The following SCN1A variants were observed in gnomAD, a reference collection of about 807,000 sequenced individuals.
SCN1A encodes the protein sodium channel protein type 1 subunit alpha.
A neutral mutation model predicts 193.7 loss-of-function variants in SCN1A; 13 were observed. That is an observed-to-expected ratio of 0.07 (90% CI 0.04 to 0.11). The LOEUF is 0.11. Ranked by LOEUF, SCN1A falls within the 10% of genes least tolerant of loss-of-function variation. The pLI, the probability that SCN1A is intolerant of heterozygous loss-of-function variation, is 1.00. For missense variants in SCN1A, 1,432 were observed against 2,451.1 expected (o/e 0.58, Z 8.78); for synonymous variants, 781 against 843.6 (o/e 0.93, Z 1.29).
At chr2:166,058,780 G>T in intron 4 of SCN1A, 92 bp from the exon 5 acceptor site, 1 of 796,642 alleles carries the variant, frequency 1.3e-6, no homozygotes, top group Non-Finnish European at 2.2e-6. Context: ...ATAAATTATT[G>T]TAAAGTTAAA....
At chr2:165,999,991 C>A in intron 24 of SCN1A, 1 of 573,966 alleles carries the variant, frequency 1.7e-6, no homozygotes, top group Admixed American at 2.8e-5. Flanking sequence ...GATATATCCT[C>A]CCCTTGATAA....
chr2:166,003,535 T>C (rs1691233369), intron 23 of SCN1A, among the ~76,000 whole-genome samples: 1 of 151,550 alleles, frequency 6.6e-6, no homozygotes, highest in African/African-American at 2.4e-5. Context: ...TTTTTTTTTT[T>C]TCTATAGAAG....
chr2:166,108,011 A>G (rs1688878387), intron 2 of SCN1A, among the ~76,000 whole-genome samples: 1 of 152,040 alleles, frequency 6.6e-6, no homozygotes. Context: ...AAGACAACCC[A>G]CAGATTGAAA....
intron 1 of SCN1A, among the ~76,000 whole-genome samples, chr2:166,144,740 C>A (rs59543626): frequency 0.34 from 51,641 of 151,716 alleles, 8,998 homozygotes; most frequent in South Asian, 0.42. Flanking sequence ...GATAGTGGAA[C>A]GAGAAGTGAA....
upstream of SCN1A, chr2:166,128,031 A>C: frequency 7.1e-6 from 1 of 140,584 alleles, no homozygotes; most frequent in Admixed American, 7.7e-5. Flanking sequence ...ACCTAATACA[A>C]ATCAGCAAAT....
At chr2:166,117,312 T>C (rs1437443562) in intron 2 of SCN1A, among the ~76,000 whole-genome samples, 2 of 152,252 alleles carry the variant, frequency 1.3e-5, no homozygotes, top group Non-Finnish European at 2.9e-5. Flanking sequence ...ATGTTAATCA[T>C]GTATACTTTC....
chr2:166,007,055 G>T (rs1203412530), intron 23 of SCN1A, among the ~76,000 whole-genome samples: 3 of 140,914 alleles, frequency 2.1e-5, no homozygotes, highest in Non-Finnish European at 4.7e-5. Context: ...ATTCATAAAG[G>T]TTTTTTTTTT....
At chr2:166,069,233 AT>A (rs1282485964) in intron 4 of SCN1A, among the ~76,000 whole-genome samples, 3 of 152,158 alleles carry the variant, frequency 2.0e-5, no homozygotes, top group Non-Finnish European at 4.4e-5. Context: ...TTATGATAGC[AT>A]TTTTTTCCCC....
At chr2:166,144,171 T>C (rs1407928398) in intron 1 of SCN1A, among the ~76,000 whole-genome samples, 5 of 152,202 alleles carry the variant, frequency 3.3e-5, no homozygotes, top group Admixed American at 3.3e-4. Context: ...AAGTCCAAAA[T>C]GTAAAGGAAC....
rs1191865516 is a variant in SCN1A, at chr2:166,084,484, G to A, written c.-141-6683C>T. The stretch of plus-strand genomic sequence containing the variant: ...GCCAGGAGTTATGTAGCTATAAGTA[G>A]CAGCCAGAGGAAATAGTGCCTGAGT... On this transcript the variant is annotated intron_variant, in intron 2 of 28. Transcript: ENST00000674923. 2.6e-5 allele frequency among the ~76,000 whole-genome samples: 4 copies of A among 152,066 alleles called. No individual in the cohort carries two copies. The East Asian group carries it at 7.7e-4, about 29-fold the overall frequency.
intron 19 of SCN1A, chr2:166,016,544 GA>G (rs1264717238): frequency 4.6e-5 from 7 of 151,970 alleles, no homozygotes; most frequent in African/African-American, 1.7e-4. Context: ...AGAGTTCTCA[GA>G]AGACAAAGAT....
At chr2:166,051,288 TATAA>T (rs1332838448) in intron 9 of SCN1A, among the ~76,000 whole-genome samples, 1 of 151,988 alleles carries the variant, frequency 6.6e-6, no homozygotes, top group Non-Finnish European at 1.5e-5. Context: ...GTTCCAGAAA[TATAA>T]ATAATCTATT....
intron 19 of SCN1A, among the ~76,000 whole-genome samples, chr2:166,019,539 T>G (rs963490680): frequency 1.3e-5 from 2 of 152,358 alleles, no homozygotes; most frequent in East Asian, 1.9e-4. Flanking sequence ...TGTTTACTTT[T>G]ACTTATTTCA....
chr2:166,047,777 G>T lies in SCN1A; in HGVS notation c.1029-9C>A. 6.2e-7 allele frequency: 1 copy of T among 1,613,248 alleles called. No individual in the cohort carries two copies. ...ATCCCTCTGGACATTGGCTGCAAGT[G>T]GGGTAAAAGAAAGTATTACAAGTCG... On this transcript the variant is annotated splice_polypyrimidine_tract_variant and intron_variant, in intron 10 of 28. Transcript: ENST00000674923.
rs566961808 is a variant in SCN1A, at chr2:166,054,819, A to G, written c.474-53T>C. On this transcript the variant is annotated intron_variant, in intron 6 of 28. Coordinates refer to ENST00000674923, the MANE Select transcript of SCN1A (RefSeq NM_001165963.4). ...TAAAGTAACAGTGTTTTTTCATAGC[A>G]TACCAATTTCTTATCACTCCATCAG... is the stretch of plus-strand genomic sequence containing the variant. 1.2e-5 allele frequency: 19 copies of G among 1,550,402 alleles called. No individual in the cohort carries two copies. The South Asian group carries it at 1.8e-4, about 15-fold the overall frequency.
At chr2:166,060,622 C>G (rs562199775) in intron 4 of SCN1A, 1 of 152,018 alleles carries the variant, frequency 6.6e-6, no homozygotes, top group South Asian at 2.1e-4. Flanking sequence ...CTTTGGGAGG[C>G]CAAAGTGGGC....
chr2:165,993,109 T>C (rs1427338222), intron 28 of SCN1A: 2 of 151,710 alleles, frequency 1.3e-5, no homozygotes, highest in African/African-American at 4.8e-5. Context: ...CTTGTAAAGT[T>C]AAAAAGAAGA....
At chr2:166,089,113 C>T (rs542866019) in intron 2 of SCN1A, among the ~76,000 whole-genome samples, 2 of 152,242 alleles carry the variant, frequency 1.3e-5, no homozygotes, top group East Asian at 3.9e-4. Flanking sequence ...TGGTTTGCTG[C>T]ACCCATCAAC....
At chr2:166,127,702 A>C (rs1691409715) in intron 1 of SCN1A, 69 bp downstream of exon 1, 1 of 151,916 alleles carries the variant, frequency 6.6e-6, no homozygotes, top group African/African-American at 2.4e-5. Flanking sequence ...ATTTCCATGG[A>C]CTCTTTTTCC....
Sources: gnomAD v4.1 joint callset for allele counts (sites outside exome capture counted in the v4.1 genomes callset) on GRCh38, gnomAD v4.1.1 for gene constraint, MANE v1.5 for transcripts, NCBI Gene and HGNC (gene_info 2026-07-23, HGNC 2026-07-21) for gene names.